The following SNX29 variants were observed in gnomAD, a reference collection of about 807,000 sequenced individuals.
The protein encoded by SNX29 is sorting nexin 29.
A neutral mutation model predicts 102.1 loss-of-function variants in SNX29; 78 were observed. The observed-to-expected ratio is 0.76, with a 90% CI of 0.64 to 0.92. SNX29 has a LOEUF of 0.92. Among genes scored for constraint, SNX29 ranks in the 40% least tolerant of loss-of-function variants. The pLI is 0.00. For synonymous variants in SNX29, 580 were observed against 414.5 expected (o/e 1.40, Z -4.85); for missense variants, 1,280 against 1,061.7 (o/e 1.21, Z -2.86).
At chr16:12,182,894 A>G (rs1421390477) in intron 13 of SNX29, among the ~76,000 whole-genome samples, 6 of 142,808 alleles carry the variant, frequency 4.2e-5, no homozygotes, top group African/African-American at 1.6e-4. Context: ...AGATTACACC[A>G]CTGCACTCCA....
chr16:12,318,205 T>C (rs1309870378), intron 15 of SNX29, among the ~76,000 whole-genome samples: 1 of 152,244 alleles, frequency 6.6e-6, no homozygotes, highest in South Asian at 2.1e-4. Context: ...TCCGAGCTCA[T>C]GCACACCTGG....
At chr16:12,105,327 C>T (rs1458506858) in intron 11 of SNX29, among the ~76,000 whole-genome samples, 1 of 150,722 alleles carries the variant, frequency 6.6e-6, no homozygotes, top group Non-Finnish European at 1.5e-5. Flanking sequence ...TGGGTTCAAG[C>T]GATTCTTGTG....
chr16:12,336,725 G>C (rs1203379845), intron 15 of SNX29, among the ~76,000 whole-genome samples: 1 of 152,150 alleles, frequency 6.6e-6, no homozygotes, highest in Non-Finnish European at 1.5e-5. Flanking sequence ...CAGGAGGATC[G>C]CTTGAGTCCA....
chr16:12,362,979 C>G (rs932294851), intron 16 of SNX29, among the ~76,000 whole-genome samples: 1 of 152,150 alleles, frequency 6.6e-6, no homozygotes, highest in Non-Finnish European at 1.5e-5. Flanking sequence ...GCCATGCCAG[C>G]CCATCTCTCC....
chr16:12,216,868 C>T (rs550143547), intron 14 of SNX29, among the ~76,000 whole-genome samples: 1 of 152,312 alleles, frequency 6.6e-6, no homozygotes, highest in East Asian at 1.9e-4. Flanking sequence ...TTCTCTTCTG[C>T]AGTTTGCCCA....
At chr16:12,334,685 C>G (rs1391482622) in intron 15 of SNX29, among the ~76,000 whole-genome samples, 1 of 152,156 alleles carries the variant, frequency 6.6e-6, no homozygotes, top group Non-Finnish European at 1.5e-5. Context: ...TCCCATAAAG[C>G]TCACTATTTC....
intron 20 of SNX29, among the ~76,000 whole-genome samples, chr16:12,540,196 C>T (rs778927654): frequency 2.0e-5 from 3 of 152,052 alleles, no homozygotes; most frequent in South Asian, 2.1e-4. Context: ...GTGTCAGGTC[C>T]AAGGATTGGG....
At chr16:12,167,252 T>C (rs537624210) in intron 13 of SNX29, among the ~76,000 whole-genome samples, 26 of 152,294 alleles carry the variant, frequency 1.7e-4, no homozygotes, top group African/African-American at 5.1e-4. Flanking sequence ...CAGCTGGTTG[T>C]CTGGCCCAGA....
intron 1 of SNX29, among the ~76,000 whole-genome samples, chr16:11,983,307 C>A (rs1418740520): frequency 2.7e-5 from 4 of 146,746 alleles, no homozygotes; most frequent in Non-Finnish European, 5.9e-5. Context: ...GTACTCCTGG[C>A]CTTAAGCCAT....
rs200680027 is a variant in SNX29, at chr16:12,444,846, T to TG, written c.2038-32873_2038-32872insG. On this transcript the variant is annotated intron_variant, in intron 18 of 20. Coordinates refer to ENST00000566228, the MANE Select transcript of SNX29 (RefSeq NM_032167.5). Reference sequence around the variant, plus strand: ...CCCTCGACAGTGTTTTTTTTTGTTTTTTTTTTTTTTTGAGACAGAGTCTCA... The same window carrying TG: ...CCCTCGACAGTGTTTTTTTTTGTTTTGTTTTTTTTTTTGAGACAGAGTCTCA... Among the ~76,000 whole-genome samples, 1,211 of 149,664 alleles carry TG rather than the reference T, an allele frequency of 8.1e-3. 15 individuals are homozygous for TG. Among genetic ancestry groups the TG allele is most frequent in the African/African-American group, 0.028 (1,128 of 40,588 alleles).
intron 20 of SNX29, among the ~76,000 whole-genome samples, chr16:12,525,771 T>C (rs1275297296): frequency 7.0e-6 from 1 of 143,748 alleles, no homozygotes; most frequent in Admixed American, 7.7e-5. Flanking sequence ...TGCTGCTGTT[T>C]TCAAGAAAGC....
chr16:12,515,412 G>A (rs1471078877), intron 19 of SNX29: 2 of 438,142 alleles, frequency 4.6e-6, no homozygotes, highest in Non-Finnish European at 9.2e-6. Context: ...TGAATGAGAG[G>A]ATGAATGATT....
At chr16:12,104,694 A>C (rs1040103152) in intron 11 of SNX29, among the ~76,000 whole-genome samples, 9 of 152,268 alleles carry the variant, frequency 5.9e-5, no homozygotes, top group Middle Eastern at 3.4e-3. Context: ...ATTTTCATAA[A>C]GTGTAGTTGG....
chr16:12,430,832 G>C (rs995350587), intron 18 of SNX29, among the ~76,000 whole-genome samples: 32 of 151,818 alleles, frequency 2.1e-4, no homozygotes, highest in African/African-American at 7.3e-4. Context: ...CTTCCAGGAG[G>C]GGGTGATTCT....
chr16:12,148,481 C>A (rs1012358841), intron 13 of SNX29, among the ~76,000 whole-genome samples: 2 of 152,128 alleles, frequency 1.3e-5, no homozygotes, highest in East Asian at 1.9e-4. Context: ...CTTAGTAGAT[C>A]TTGTTTTTCT....
At chr16:12,502,504 C>T (rs1567628678) in intron 19 of SNX29, among the ~76,000 whole-genome samples, 1 of 152,026 alleles carries the variant, frequency 6.6e-6, no homozygotes, top group Non-Finnish European at 1.5e-5. Flanking sequence ...ATGCCACCCC[C>T]CAACTCTGAC....
chr16:12,028,654 G>A (rs952422500), intron 4 of SNX29, among the ~76,000 whole-genome samples: 1 of 152,018 alleles, frequency 6.6e-6, no homozygotes, highest in African/African-American at 2.4e-5. Flanking sequence ...GTGAGACACT[G>A]TGCCTGGCTC....
At chr16:12,076,105 C>T (rs1018522028) in intron 10 of SNX29, among the ~76,000 whole-genome samples, 72 of 152,302 alleles carry the variant, frequency 4.7e-4, no homozygotes, top group Non-Finnish European at 9.7e-4. Flanking sequence ...AACTCCCTGA[C>T]CCCTTGCGCT....
intron 14 of SNX29, among the ~76,000 whole-genome samples, chr16:12,238,151 G>A (rs1007423432): frequency 6.6e-6 from 1 of 151,958 alleles, no homozygotes; most frequent in African/African-American, 2.4e-5. Flanking sequence ...AAATCATTGT[G>A]GTAAAACATA....
Sources: allele counts gnomAD v4.1 joint callset (sites outside exome capture counted in the v4.1 genomes callset), GRCh38; gene constraint gnomAD v4.1.1; transcripts MANE v1.5; gene names NCBI Gene and HGNC (gene_info 2026-07-23, HGNC 2026-07-21).